Variants in PRKG1 observed in about 807,000 individuals in gnomAD.
PRKG1 encodes the protein cGMP-dependent protein kinase 1.
A neutral mutation model predicts 88.1 loss-of-function variants in PRKG1; 35 were observed. That is an observed-to-expected ratio of 0.40 (90% CI 0.30 to 0.53). PRKG1 has a LOEUF of 0.53. PRKG1 is among the 20% of genes least tolerant of loss of function. The pLI, the probability that PRKG1 is intolerant of heterozygous loss-of-function variation, is 0.59. For synonymous variants in PRKG1, 303 were observed against 292.5 expected (o/e 1.04, Z -0.37); for missense variants, 540 against 839.8 (o/e 0.64, Z 4.41).
rs529805509 is a variant in PRKG1, at chr10:51,712,228, G to T, written c.593-92357G>T. Among the ~76,000 whole-genome samples the T allele has an allele frequency of 1.5e-3, 228 of 152,246 alleles. 1 individual carries two copies. The highest frequency in any genetic ancestry group is 5.3e-3 in the African/African-American group (220 of 41,522). On this transcript the variant is annotated intron_variant, in intron 3 of 17. Coordinates refer to ENST00000373980, the MANE Select transcript of PRKG1 (RefSeq NM_006258.4). Reference sequence around the variant, plus strand: ...AGCCTGTTTGTTCAGTTTCTTCTTGGCACCTCTGTGTCTCCTTTCCTCTGA... The same window carrying T: ...AGCCTGTTTGTTCAGTTTCTTCTTGTCACCTCTGTGTCTCCTTTCCTCTGA...
chr10:51,488,720 C>T (rs555003873), intron 3 of PRKG1, among the ~76,000 whole-genome samples: 2 of 152,258 alleles, frequency 1.3e-5, no homozygotes, highest in African/African-American at 4.8e-5. Flanking sequence ...ATCATCTAGA[C>T]AAACTAGATA....
At chr10:51,891,028 G>A (rs117841957) in intron 4 of PRKG1, among the ~76,000 whole-genome samples, 5,657 of 152,232 alleles carry the variant, frequency 0.037, 158 homozygotes, top group Non-Finnish European at 0.058. Flanking sequence ...TTGGGAGACC[G>A]AAGAGGGAGG....
chr10:52,231,791 G>T (rs1209662724), intron 9 of PRKG1, among the ~76,000 whole-genome samples: 1 of 152,102 alleles, frequency 6.6e-6, no homozygotes, highest in Non-Finnish European at 1.5e-5. Context: ...GCTCATTTCT[G>T]TTTAAATCTT....
At chr10:51,699,878 G>A (rs1354089603) in intron 3 of PRKG1, among the ~76,000 whole-genome samples, 1 of 152,194 alleles carries the variant, frequency 6.6e-6, no homozygotes, top group Non-Finnish European at 1.5e-5. Context: ...AAAGATGGCC[G>A]CATAGACTTC....
chr10:52,040,678 T>C (rs1845733141), intron 5 of PRKG1, among the ~76,000 whole-genome samples: 1 of 152,188 alleles, frequency 6.6e-6, no homozygotes, highest in African/African-American at 2.4e-5. Flanking sequence ...TTCCTTTCAC[T>C]TGCTAATTGC....
chr10:51,061,095 C>T (rs1183866744), intron 1 of PRKG1, among the ~76,000 whole-genome samples: 3 of 38,798 alleles, frequency 7.7e-5, no homozygotes, highest in Non-Finnish European at 1.5e-4. Flanking sequence ...CTGTATTAGT[C>T]TGTTCTCATG....
intron 9 of PRKG1, among the ~76,000 whole-genome samples, chr10:52,196,171 C>T (rs1292159949): frequency 6.6e-6 from 1 of 152,090 alleles, no homozygotes. Context: ...CGCCACCACG[C>T]CTGGCTAATT....
At chr10:51,093,051 G>A (rs1395954405) in intron 1 of PRKG1, among the ~76,000 whole-genome samples, 1 of 152,184 alleles carries the variant, frequency 6.6e-6, no homozygotes, top group Non-Finnish European at 1.5e-5. Context: ...TGTGCAGGTT[G>A]ATACTGTTTC....
chr10:51,271,115 T>TGAAGAAA, intron 2 of PRKG1, among the ~76,000 whole-genome samples: 1 of 152,308 alleles, frequency 6.6e-6, no homozygotes, highest in East Asian at 1.9e-4. Flanking sequence ...ATCTCCTATG[T>TGAAGAAA]GGCCATACAG....
At chr10:51,378,663 G>A (rs1470997088) in intron 2 of PRKG1, among the ~76,000 whole-genome samples, 2 of 152,150 alleles carry the variant, frequency 1.3e-5, no homozygotes, top group African/African-American at 4.8e-5. Flanking sequence ...AAAAATCACA[G>A]TGATGAGGAA....
intron 2 of PRKG1, among the ~76,000 whole-genome samples, chr10:51,296,006 A>T (rs888307509): frequency 2.6e-5 from 4 of 151,996 alleles, no homozygotes; most frequent in African/African-American, 9.7e-5. Flanking sequence ...AGCCATCTTT[A>T]CACCCCAGGG....
At chr10:51,797,420 ATATTT>A (rs1226251254) in intron 3 of PRKG1, among the ~76,000 whole-genome samples, 2 of 146,102 alleles carry the variant, frequency 1.4e-5, no homozygotes, top group East Asian at 2.0e-4. Context: ...AATACATATT[ATATTT>A]TATTTTATAA....
At chr10:51,628,396 C>A (rs1022135232) in intron 3 of PRKG1, among the ~76,000 whole-genome samples, 1 of 151,194 alleles carries the variant, frequency 6.6e-6, no homozygotes, top group African/African-American at 2.4e-5. Context: ...TTCCTGGGGT[C>A]AAGAATTCCA....
intron 7 of PRKG1, among the ~76,000 whole-genome samples, chr10:52,090,092 C>T (rs7477297): frequency 0.11 from 16,517 of 151,914 alleles, 1,093 homozygotes; most frequent in East Asian, 0.3. Context: ...GGATTACAGG[C>T]GTGAGCCACC....
chr10:52,045,796 T>C (rs1443464535), intron 5 of PRKG1, among the ~76,000 whole-genome samples: 1 of 152,054 alleles, frequency 6.6e-6, no homozygotes, highest in Admixed American at 6.6e-5. Flanking sequence ...CCCAGAGGAA[T>C]GGAGGGACAC....
chr10:51,752,660 C>T lies in PRKG1; in HGVS notation c.593-51925C>T, dbSNP rs1002030427. Among the ~76,000 whole-genome samples, 7 of 152,084 alleles carry T rather than the reference C, an allele frequency of 4.6e-5. No homozygotes were observed. In the East Asian group the frequency reaches 5.8e-4, roughly 13 times the overall value. ...TTAACCATACCAGGCCTGTTTTTGT[C>T]GTTACCGTTTGTTTTGTTTCATTTG... is the stretch of plus-strand genomic sequence containing the variant. On this transcript the variant is annotated intron_variant, in intron 3 of 17. Coordinates refer to ENST00000373980, the MANE Select transcript of PRKG1 (RefSeq NM_006258.4).
At chr10:52,238,909 T>C (rs1280972452) in intron 9 of PRKG1, among the ~76,000 whole-genome samples, 3 of 141,078 alleles carry the variant, frequency 2.1e-5, no homozygotes, top group East Asian at 2.1e-4. Flanking sequence ...TAGCAAAGAC[T>C]TGGAACCAAC....
intron 9 of PRKG1, among the ~76,000 whole-genome samples, chr10:52,196,831 A>C (rs1171352889): frequency 6.6e-6 from 1 of 152,166 alleles, no homozygotes; most frequent in Non-Finnish European, 1.5e-5. Flanking sequence ...ACCTCTTTGA[A>C]ATAAGTTATT....
chr10:51,865,607 G>A (rs1001455393), intron 4 of PRKG1, among the ~76,000 whole-genome samples: 2 of 151,964 alleles, frequency 1.3e-5, no homozygotes, highest in African/African-American at 4.8e-5. Context: ...ATTGCTGAAA[G>A]ATCTTTTCAA....
Sources: gnomAD v4.1 joint callset for allele counts (sites outside exome capture counted in the v4.1 genomes callset) on GRCh38, gnomAD v4.1.1 for gene constraint, MANE v1.5 for transcripts, NCBI Gene and HGNC (gene_info 2026-07-23, HGNC 2026-07-21) for gene names.